Variants in CSMD3 observed in about 807,000 individuals in gnomAD.
CSMD3 encodes CUB and sushi domain-containing protein 3.
In CSMD3, 177 loss-of-function variants were observed where a neutral mutation model predicts 435.2. The ratio of observed to expected loss-of-function variants is 0.41; its 90% CI spans 0.36 to 0.46. The LOEUF (loss-of-function observed/expected upper bound fraction) is 0.46. Among genes scored for constraint, CSMD3 ranks in the 20% least tolerant of loss-of-function variants. The pLI is 0.34. For synonymous variants in CSMD3, 1,656 were observed against 1,520.5 expected, an observed-to-expected ratio of 1.09 and a Z score of -2.07; for missense variants, 4,265 against 4,504.6, an observed-to-expected ratio of 0.95 and a Z score of 1.52.
intron 32 of CSMD3, among the ~76,000 whole-genome samples, chr8:112,411,606 G>A (rs915470217): frequency 5.9e-5 from 9 of 151,956 alleles, no homozygotes; most frequent in Non-Finnish European, 1.0e-4. Context: ...CTAACATAGT[G>A]ATCTGATTTC....
chr8:112,759,581 G>A (rs1247103183), intron 13 of CSMD3, among the ~76,000 whole-genome samples: 1 of 152,012 alleles, frequency 6.6e-6, no homozygotes, highest in African/African-American at 2.4e-5. Context: ...AATATTTAAA[G>A]ATTAGCTACT....
chr8:112,937,446 G>A lies in CSMD3; in HGVS notation c.1508+10344C>T, dbSNP rs370003051. On this transcript the variant is annotated intron_variant, in intron 9 of 70. Coordinates refer to ENST00000297405, the MANE Select transcript of CSMD3 (RefSeq NM_198123.2). The stretch of plus-strand genomic sequence containing the variant: ...GCTCACTGCAACCTCTGCCTCCTGG[G>A]CTCAAGCGATTATCCTGCCTCAGCC... Among the ~76,000 whole-genome samples, 25 of 151,622 alleles carry A rather than the reference G, an allele frequency of 1.6e-4. 1 individual carries two copies. In the South Asian group the frequency reaches 2.1e-3, roughly 13 times the overall value.
Position 113,433,367 on chromosome 8 carries a change from C to G in CSMD3, c.178+3310G>C, listed in dbSNP as rs192666338. 2.5e-3 allele frequency among the ~76,000 whole-genome samples: 387 copies of G among 152,238 alleles called. 2 individuals are homozygous for G. The highest frequency in any genetic ancestry group is 7.8e-3 in the African/African-American group (324 of 41,552). On this transcript the variant is annotated intron_variant, in intron 1 of 70. Transcript: ENST00000297405. ...CGGGACACACGCGGGGCTGAAAGCT[C>G]CGGACATGGCCACCTGGGCGGGCGT...
chr8:112,983,585 T>G (rs1174620075), intron 6 of CSMD3, among the ~76,000 whole-genome samples: 1 of 150,592 alleles, frequency 6.6e-6, no homozygotes, highest in Admixed American at 6.7e-5. Flanking sequence ...GTTTAACTAT[T>G]CCACTTTAAT....
intron 2 of CSMD3, among the ~76,000 whole-genome samples, chr8:113,302,279 T>C (rs1034474396): frequency 2.0e-4 from 2 of 9,982 alleles, no homozygotes; most frequent in African/African-American, 1.7e-3. Flanking sequence ...AATATATAAT[T>C]ATAATATATA....
intron 12 of CSMD3, among the ~76,000 whole-genome samples, chr8:112,809,564 C>A (rs1285978660): frequency 6.6e-6 from 1 of 152,110 alleles, no homozygotes; most frequent in East Asian, 1.9e-4. Flanking sequence ...ACTTTAAGAA[C>A]CACATTTTAT....
intron 2 of CSMD3, among the ~76,000 whole-genome samples, chr8:113,302,277 A>T (rs956711849): frequency 4.6e-5 from 1 of 21,578 alleles, no homozygotes; most frequent in Non-Finnish European, 7.0e-5. Flanking sequence ...ATAATATATA[A>T]TTATAATATA....
rs555833462 is a variant in CSMD3, at chr8:112,535,900, T to A, written c.4564+14771A>T. On this transcript the variant is annotated intron_variant, in intron 27 of 70. Coordinates refer to ENST00000297405, the MANE Select transcript of CSMD3 (RefSeq NM_198123.2). ...ACAACTATCTGATCTTTGACAAACC[T>A]GAGAAAAACAAGCAATGGGGAAAGG... 7.9e-3 allele frequency among the ~76,000 whole-genome samples: 1,196 copies of A among 152,008 alleles called. 22 individuals carry two copies. Among genetic ancestry groups the A allele is most frequent in the African/African-American group, 0.027 (1,107 of 41,494 alleles).
chr8:112,974,386 T>G (rs932498853), intron 7 of CSMD3, among the ~76,000 whole-genome samples: 1 of 151,910 alleles, frequency 6.6e-6, no homozygotes, highest in Non-Finnish European at 1.5e-5. Context: ...ATGTCAGAAA[T>G]TATCCTCCTT....
chr8:113,309,641 T>G (rs943041933), intron 2 of CSMD3: 1 of 152,366 alleles, frequency 6.6e-6, no homozygotes, highest in African/African-American at 2.4e-5. Context: ...TTGCAGTCAT[T>G]ACTACACCAT....
intron 3 of CSMD3, among the ~76,000 whole-genome samples, chr8:113,234,549 T>C (rs960573203): frequency 2.0e-5 from 3 of 152,186 alleles, no homozygotes; most frequent in Non-Finnish European, 2.9e-5. Context: ...CATGATTACA[T>C]AGCTTCTACT....
intron 6 of CSMD3, among the ~76,000 whole-genome samples, chr8:113,015,154 A>T (rs1038181139): frequency 9.2e-5 from 14 of 152,108 alleles, no homozygotes; most frequent in Non-Finnish European, 4.4e-5. Context: ...TTTGACTGAA[A>T]CAATGGGCAT....
At chr8:113,111,218 T>C (rs1588092442) in intron 4 of CSMD3, among the ~76,000 whole-genome samples, 1 of 152,154 alleles carries the variant, frequency 6.6e-6, no homozygotes, top group South Asian at 2.1e-4. Flanking sequence ...TTAAATATTG[T>C]TTTAATCAAC....
At chr8:112,361,600 TATATATATA>T (rs1827234332) in intron 38 of CSMD3, among the ~76,000 whole-genome samples, 17 of 131,924 alleles carry the variant, frequency 1.3e-4, no homozygotes, top group African/African-American at 4.5e-4. Context: ...TATATATATA[TATATATATA>T]TATATATATA....
chr8:112,256,258 A>C (rs1306681381), intron 61 of CSMD3, among the ~76,000 whole-genome samples: 1 of 152,016 alleles, frequency 6.6e-6, no homozygotes, highest in Non-Finnish European at 1.5e-5. Flanking sequence ...ATAATTAGCA[A>C]GTTTAAGAAA....
intron 23 of CSMD3, among the ~76,000 whole-genome samples, chr8:112,578,195 T>C (rs894638071): frequency 2.6e-5 from 4 of 151,936 alleles, no homozygotes; most frequent in African/African-American, 9.7e-5. Context: ...TAAAATAGAG[T>C]AGAGAACTTT....
chr8:112,713,357 AAAATAAATAAAT>A lies in CSMD3; in HGVS notation c.1973-23319_1973-23308del, dbSNP rs71309785. ...AAATAAGGCAGGCAGACAAGATTAG[AAAATAAATAAAT>A]AAATAAATAAATAAATAAATAGGAA... is the stretch of plus-strand genomic sequence containing the variant. On this transcript the variant is annotated intron_variant, in intron 13 of 70. Transcript: ENST00000297405. Among the ~76,000 whole-genome samples the A allele has an allele frequency of 5.4e-4, 79 of 146,666 alleles. 1 individual carries two copies. The highest frequency in any genetic ancestry group is 4.0e-3 in the Admixed American group (59 of 14,726).
chr8:113,045,235 A>C (rs2087780210), intron 5 of CSMD3, among the ~76,000 whole-genome samples: 1 of 149,306 alleles, frequency 6.7e-6, no homozygotes, highest in South Asian at 2.1e-4. Flanking sequence ...ATCGCCTTGC[A>C]ATGCTTTTTT....
intron 3 of CSMD3, among the ~76,000 whole-genome samples, chr8:113,252,170 A>G (rs1479160438): frequency 6.6e-6 from 1 of 152,086 alleles, no homozygotes; most frequent in African/African-American, 2.4e-5. Flanking sequence ...TTTATCTGTT[A>G]GTGATCTTCC....
Sources: gnomAD v4.1 joint callset for allele counts (sites outside exome capture counted in the v4.1 genomes callset) on GRCh38, gnomAD v4.1.1 for gene constraint, MANE v1.5 for transcripts, NCBI Gene and HGNC (gene_info 2026-07-23, HGNC 2026-07-21) for gene names.